XKR4: variants seen among roughly 807,000 people sequenced by gnomAD.
The protein encoded by XKR4 is XK related 4.
Under a neutral mutation model 53.9 loss-of-function variants are expected in XKR4, and 12 were observed. The ratio of observed to expected loss-of-function variants is 0.22; its 90% CI spans 0.14 to 0.36. XKR4 has a LOEUF of 0.36. Ranked by LOEUF, XKR4 falls within the 10% of genes least tolerant of loss-of-function variation. The probability of loss-of-function intolerance (pLI) is 1.00; values close to 1 mark genes in which losing one functional copy is unlikely to be tolerated. For missense variants in XKR4, 799 were observed against 859.5 expected, an observed-to-expected ratio of 0.93 and a Z score of 0.88; for synonymous variants, 354 against 362.4, an observed-to-expected ratio of 0.98 and a Z score of 0.26.
chr8:55,465,757 C>T (rs1239057167), intron 2 of XKR4, among the ~76,000 whole-genome samples: 1 of 151,856 alleles, frequency 6.6e-6, no homozygotes, highest in Admixed American at 6.6e-5. Flanking sequence ...GGCTAATATC[C>T]AGAATCTACA....
chr8:55,243,617 T>C (rs1255546110), intron 1 of XKR4, among the ~76,000 whole-genome samples: 2 of 152,192 alleles, frequency 1.3e-5, no homozygotes, highest in African/African-American at 4.8e-5. Context: ...TTGGTGAGAG[T>C]GTGCTTAGCC....
intron 1 of XKR4, among the ~76,000 whole-genome samples, chr8:55,345,712 C>G (rs1803626569): frequency 6.6e-6 from 1 of 152,198 alleles, no homozygotes; most frequent in Non-Finnish European, 1.5e-5. Flanking sequence ...CGGGACATTA[C>G]ATGCACACTC....
intron 1 of XKR4, among the ~76,000 whole-genome samples, chr8:55,345,074 G>A (rs2129382708): frequency 6.6e-6 from 1 of 152,256 alleles, no homozygotes; most frequent in East Asian, 1.9e-4. Flanking sequence ...TTGAGGTCAG[G>A]AGTTCAAGAC....
intron 1 of XKR4, among the ~76,000 whole-genome samples, chr8:55,237,836 C>G (rs190401487): frequency 1.1e-4 from 17 of 152,272 alleles, no homozygotes; most frequent in African/African-American, 3.6e-4. Context: ...ATGACTGACT[C>G]CTTGTGCTTC....
chr8:55,255,581 T>C (rs1818427283), intron 1 of XKR4, among the ~76,000 whole-genome samples: 1 of 152,174 alleles, frequency 6.6e-6, no homozygotes, highest in Non-Finnish European at 1.5e-5. Flanking sequence ...GTATGCTTAG[T>C]GTATAAATGA....
intron 2 of XKR4, chr8:55,453,672 G>T: frequency 4.9e-6 from 2 of 411,798 alleles, no homozygotes; most frequent in Middle Eastern, 4.9e-4. Context: ...CAGGGGAAGG[G>T]CCGGGGCGCC....
chr8:55,469,097 G>A (rs1460486790), intron 2 of XKR4, among the ~76,000 whole-genome samples: 1 of 152,098 alleles, frequency 6.6e-6, no homozygotes, highest in Non-Finnish European at 1.5e-5. Flanking sequence ...TCTAAGGACA[G>A]AATATTTCTC....
intron 1 of XKR4, among the ~76,000 whole-genome samples, chr8:55,123,140 C>G (rs1250508338): frequency 6.6e-6 from 1 of 152,188 alleles, no homozygotes; most frequent in Non-Finnish European, 1.5e-5. Context: ...GAAATGTGCT[C>G]CTCATGGAAA....
chr8:55,156,300 T>A lies in XKR4; in HGVS notation c.806+53006T>A, dbSNP rs192979825. 3.5e-3 allele frequency among the ~76,000 whole-genome samples: 525 copies of A among 151,716 alleles called. 5 individuals are homozygous for A. The highest frequency in any genetic ancestry group is 0.012 in the African/African-American group (492 of 41,318). On this transcript the variant is annotated intron_variant, in intron 1 of 2. Transcript: ENST00000327381. Reference sequence around the variant, plus strand: ...TAGCAATAAATGTAAGAAAAAAACATGAAAATATGCAATAATTTTGAATCC... The same window carrying A: ...TAGCAATAAATGTAAGAAAAAAACAAGAAAATATGCAATAATTTTGAATCC...
In XKR4 at chr8:55,214,007, G is replaced by A. The variant is rs373994166; in HGVS notation, c.806+110713G>A. ...CTCCAGAGTAGTTGGGATTACAGGCGTGCGCCACCACACCTGGCTAATTTT... is the reference window on the plus strand; with the variant it reads ...CTCCAGAGTAGTTGGGATTACAGGCATGCGCCACCACACCTGGCTAATTTT... On this transcript the variant is annotated intron_variant, in intron 1 of 2. Coordinates refer to ENST00000327381, the MANE Select transcript of XKR4 (RefSeq NM_052898.2). Among the ~76,000 whole-genome samples the A allele has an allele frequency of 2.4e-4, 36 of 151,706 alleles. No homozygotes were observed. The East Asian group carries it at 5.8e-3, about 25-fold the overall frequency.
chr8:55,286,206 A>G (rs954865196), intron 1 of XKR4, among the ~76,000 whole-genome samples: 2 of 152,198 alleles, frequency 1.3e-5, no homozygotes, highest in Non-Finnish European at 2.9e-5. Context: ...AAATACAGAG[A>G]AAAAGAATGG....
chr8:55,449,658 T>A, intron 2 of XKR4: 2 of 925,014 alleles, frequency 2.2e-6, no homozygotes, highest in Admixed American at 3.4e-5. Context: ...ATGGTGGCCA[T>A]GCCAGGTGCC....
At chr8:55,343,593 C>T (rs1195009472) in intron 1 of XKR4, among the ~76,000 whole-genome samples, 1 of 152,158 alleles carries the variant, frequency 6.6e-6, no homozygotes, top group Non-Finnish European at 1.5e-5. Flanking sequence ...TGTCTGCTCT[C>T]CTCCCAGAAT....
intron 2 of XKR4, among the ~76,000 whole-genome samples, chr8:55,487,069 C>A (rs1696732061): frequency 6.6e-6 from 1 of 152,184 alleles, no homozygotes; most frequent in African/African-American, 2.4e-5. Context: ...GACAGACTGT[C>A]TGCAAGCTGG....
chr8:55,503,227 A>C (rs1201472412), intron 2 of XKR4, among the ~76,000 whole-genome samples: 1 of 152,070 alleles, frequency 6.6e-6, no homozygotes. Context: ...TTTTGTAAAA[A>C]ATGTCATTGT....
intron 1 of XKR4, among the ~76,000 whole-genome samples, chr8:55,152,937 T>G (rs966996601): frequency 6.6e-5 from 10 of 152,176 alleles, no homozygotes; most frequent in African/African-American, 2.4e-4. Flanking sequence ...GGGTCTAACT[T>G]GAAGTCTGGT....
chr8:55,225,981 C>T (rs1817946928), intron 1 of XKR4, among the ~76,000 whole-genome samples: 1 of 152,308 alleles, frequency 6.6e-6, no homozygotes, highest in Non-Finnish European at 1.5e-5. Context: ...AGGACCCTTG[C>T]CTCTGTCTGG....
chr8:55,430,732 T>C (rs1045013306), intron 2 of XKR4, among the ~76,000 whole-genome samples: 1 of 152,170 alleles, frequency 6.6e-6, no homozygotes, highest in Non-Finnish European at 1.5e-5. Context: ...AAGTCTGAGA[T>C]GAAGGTGTAG....
At chr8:55,120,541 T>A (rs1262664073) in intron 1 of XKR4, among the ~76,000 whole-genome samples, 1 of 121,036 alleles carries the variant, frequency 8.3e-6, no homozygotes, top group African/African-American at 2.6e-5. Context: ...GAGACCCCTG[T>A]CACCTTTTAT....
Sources: gnomAD v4.1 joint callset for allele counts (sites outside exome capture counted in the v4.1 genomes callset) on GRCh38, gnomAD v4.1.1 for gene constraint, MANE v1.5 for transcripts, NCBI Gene and HGNC (gene_info 2026-07-23, HGNC 2026-07-21) for gene names.